The following CTNNA2 variants were observed in gnomAD, a reference collection of about 807,000 sequenced individuals.
The protein encoded by CTNNA2 is catenin alpha 2.
Under a neutral mutation model 101.0 loss-of-function variants are expected in CTNNA2, and 42 were observed. The observed-to-expected ratio is 0.42, with a 90% CI of 0.32 to 0.54. The LOEUF is 0.54. Ranked by LOEUF, CTNNA2 falls within the 20% of genes least tolerant of loss-of-function variation. The probability of loss-of-function intolerance (pLI) is 0.14; values close to 1 mark genes in which losing one functional copy is unlikely to be tolerated. For synonymous variants in CTNNA2, 450 were observed against 456.4 expected (o/e 0.99, Z 0.18); for missense variants, 871 against 1,223.1 (o/e 0.71, Z 4.29).
chr2:79,477,258 C>T (rs994692984), intron 4 of CTNNA2, among the ~76,000 whole-genome samples: 25 of 151,016 alleles, frequency 1.7e-4, no homozygotes, highest in African/African-American at 6.1e-4. Context: ...GCAACTTCTG[C>T]CTCCAAGGTT....
chr2:80,036,977 A>T (rs1186307801), intron 7 of CTNNA2, among the ~76,000 whole-genome samples: 1 of 152,046 alleles, frequency 6.6e-6, no homozygotes, highest in Admixed American at 6.6e-5. Flanking sequence ...CTGCTTCAGG[A>T]TCATATAGAT....
chr2:80,536,301 G>A (rs960489877), intron 9 of CTNNA2, among the ~76,000 whole-genome samples: 1 of 151,970 alleles, frequency 6.6e-6, no homozygotes, highest in Non-Finnish European at 1.5e-5. Flanking sequence ...TCCTCTCTGT[G>A]GTTTTATATG....
chr2:79,299,165 C>T (rs1024143452), intron 2 of CTNNA2, among the ~76,000 whole-genome samples: 1 of 152,112 alleles, frequency 6.6e-6, no homozygotes, highest in East Asian at 1.9e-4. Context: ...TAGGCAATAA[C>T]CTGCTTTGTG....
intron 9 of CTNNA2, among the ~76,000 whole-genome samples, chr2:80,425,466 C>T (rs969741825): frequency 6.6e-6 from 1 of 152,136 alleles, no homozygotes; most frequent in East Asian, 1.9e-4. Context: ...AGGTCTACTT[C>T]CTACAATTCC....
Position 80,111,243 on chromosome 2 carries a change from C to A in CTNNA2, c.1056+201446C>A, listed in dbSNP as rs143588703. On this transcript the variant is annotated intron_variant, in intron 7 of 18. Transcript: ENST00000402739. ...ACACAGCCAAAACATATCAAGGATA[C>A]TTTTAAAATCTTCTACATTCTGTTT... Among the ~76,000 whole-genome samples the A allele has an allele frequency of 5.7e-3, 873 of 152,284 alleles. 7 individuals are homozygous for A. The highest frequency in any genetic ancestry group is 0.019 in the African/African-American group (788 of 41,552).
intron 9 of CTNNA2, among the ~76,000 whole-genome samples, chr2:80,517,927 C>G (rs1267938331): frequency 6.6e-6 from 1 of 152,118 alleles, no homozygotes; most frequent in Non-Finnish European, 1.5e-5. Context: ...ATCACACTAA[C>G]CAGATATTTG....
intron 17 of CTNNA2, among the ~76,000 whole-genome samples, chr2:80,611,491 A>G (rs149124562): frequency 3.3e-5 from 5 of 151,826 alleles, no homozygotes; most frequent in African/African-American, 1.2e-4. Context: ...TGTAAATACT[A>G]TTTTGAATAC....
At chr2:79,500,843 T>A (rs1440787369) in intron 4 of CTNNA2, 1 of 152,276 alleles carries the variant, frequency 6.6e-6, no homozygotes, top group Admixed American at 6.5e-5. Flanking sequence ...CTGCAGGCCT[T>A]CTTCGTCATG....
At chr2:79,606,277 T>C (rs2104140426) in intron 1 of CTNNA2, among the ~76,000 whole-genome samples, 1 of 152,304 alleles carries the variant, frequency 6.6e-6, no homozygotes, top group Non-Finnish European at 1.5e-5. Flanking sequence ...TTTTTGTTTG[T>C]TTATTTTTGA....
intron 9 of CTNNA2, among the ~76,000 whole-genome samples, chr2:80,482,974 T>A (rs1686265847): frequency 6.6e-6 from 1 of 152,162 alleles, no homozygotes; most frequent in East Asian, 1.9e-4. Flanking sequence ...CTGGAAGAAC[T>A]TGATTTTGTG....
chr2:80,422,005 A>AT (rs1234994505), intron 9 of CTNNA2, among the ~76,000 whole-genome samples: 1 of 151,988 alleles, frequency 6.6e-6, no homozygotes, highest in Non-Finnish European at 1.5e-5. Context: ...TTCCTTTTGG[A>AT]TTTTCTATGT....
intron 2 of CTNNA2, among the ~76,000 whole-genome samples, chr2:79,667,603 G>A (rs1682510104): frequency 6.6e-6 from 1 of 152,156 alleles, no homozygotes; most frequent in Non-Finnish European, 1.5e-5. Context: ...ACTTTATGAT[G>A]GGAAGGCATA....
chr2:80,247,074 GA>G (rs1438195536), intron 7 of CTNNA2, among the ~76,000 whole-genome samples: 3 of 152,160 alleles, frequency 2.0e-5, no homozygotes, highest in Non-Finnish European at 4.4e-5. Context: ...ATAAGGCAAT[GA>G]AGAAGTAGTA....
chr2:80,462,151 A>G (rs571082049), intron 9 of CTNNA2, among the ~76,000 whole-genome samples: 2 of 152,328 alleles, frequency 1.3e-5, no homozygotes, highest in Middle Eastern at 3.4e-3. Context: ...ACAAGATCTC[A>G]TGGCATTATG....
chr2:79,379,820 T>C lies in CTNNA2; in HGVS notation c.-135+5807T>C, dbSNP rs562734171. Among the ~76,000 whole-genome samples, 62 of 152,240 alleles carry C rather than the reference T, an allele frequency of 4.1e-4. 1 individual carries two copies. The South Asian group carries it at 0.011, about 28-fold the overall frequency. ...AAAAAATTTTTTAATAATTTTGCCT[T>C]TTGCCCTAGTTAACTTTCTGGAAAT... is the stretch of plus-strand genomic sequence containing the variant. On this transcript the variant is annotated intron_variant, in intron 4 of 21. Coordinates refer to the CTNNA2 transcript ENST00000466387.
At chr2:79,579,894 G>T (rs773229188) in intron 1 of CTNNA2, among the ~76,000 whole-genome samples, 1 of 152,124 alleles carries the variant, frequency 6.6e-6, no homozygotes, top group Non-Finnish European at 1.5e-5. Context: ...GATTACAGGT[G>T]TGAGCCACCG....
rs1217840998 is a variant in CTNNA2 at position 79,867,004 on chromosome 2, A to G, written c.466-2812A>G. On this transcript the variant is annotated intron_variant, in intron 4 of 18. Transcript: ENST00000402739. ...TCTGACCTCATAGCCCTCCTCACACAGTTGTACTTAACATTCTTCATGGTG... is the reference window on the plus strand; with the variant it reads ...TCTGACCTCATAGCCCTCCTCACACGGTTGTACTTAACATTCTTCATGGTG... Among the ~76,000 whole-genome samples, 3 of 152,166 alleles carry G rather than the reference A, an allele frequency of 2.0e-5. No individual in the cohort carries two copies. The East Asian group carries it at 5.8e-4, about 29-fold the overall frequency.
intron 3 of CTNNA2, among the ~76,000 whole-genome samples, chr2:79,803,270 G>T (rs138031485): frequency 5.3e-5 from 8 of 152,156 alleles, no homozygotes; most frequent in Admixed American, 3.3e-4. Context: ...ACCCAGCGGC[G>T]CTAGAGGAAT....
chr2:79,322,564 G>T (rs1237658285), intron 3 of CTNNA2, among the ~76,000 whole-genome samples: 1 of 152,168 alleles, frequency 6.6e-6, no homozygotes, highest in Non-Finnish European at 1.5e-5. Flanking sequence ...TACATCTGCT[G>T]GTTGATCTGA....
Sources: gnomAD v4.1 joint callset for allele counts (sites outside exome capture counted in the v4.1 genomes callset) on GRCh38, gnomAD v4.1.1 for gene constraint, MANE v1.5 for transcripts, NCBI Gene and HGNC (gene_info 2026-07-23, HGNC 2026-07-21) for gene names.